The following ZMYM2 variants were observed in gnomAD, a reference collection of about 807,000 sequenced individuals.
The protein encoded by ZMYM2 is zinc finger MYM-type protein 2.
ZMYM2 carries 56 observed loss-of-function variants against 162.8 expected under a neutral mutation model. That is an observed-to-expected ratio of 0.34 (90% CI 0.28 to 0.43). The LOEUF is 0.43. ZMYM2 is among the 20% of genes least tolerant of loss of function. The pLI is 1.00. For missense variants in ZMYM2, 1,275 were observed against 1,621.8 expected (o/e 0.79, Z 3.67); for synonymous variants, 510 against 541.6 (o/e 0.94, Z 0.81).
rs1384782088 is a variant in ZMYM2, at chr13:20,036,912, G to A, written c.2292+3G>A. On this transcript the variant is annotated splice_donor_region_variant and intron_variant, in intron 12 of 24. Transcript: ENST00000610343. ...AATTTCAGGATTGGTACTACAAGGC[G>A]AGTAACTCCTTTATTACAGCAGCTA... The A allele has an allele frequency of 1.9e-6, 3 of 1,601,822 alleles. No homozygotes were observed. The highest frequency in any genetic ancestry group is 8.5e-7 in the Non-Finnish European group (1 of 1,175,026).
At chr13:20,079,881 T>C (rs1957798634) in intron 21 of ZMYM2, among the ~76,000 whole-genome samples, 1 of 152,204 alleles carries the variant, frequency 6.6e-6, no homozygotes, top group African/African-American at 2.4e-5. Context: ...TTCAGAATCA[T>C]TTCCCTCATT....
At chr13:19,920,230 G>T in the ZMYM2 span, among the ~76,000 whole-genome samples, 2 of 152,152 alleles carry the variant, frequency 1.3e-5, no homozygotes, top group African/African-American at 2.4e-5. Context: ...TAAAGGGCCA[G>T]ATAGTAAATA....
intron 2 of ZMYM2, among the ~76,000 whole-genome samples, chr13:19,973,370 T>C (rs1260418744): frequency 6.6e-6 from 1 of 151,992 alleles, no homozygotes; most frequent in Non-Finnish European, 1.5e-5. Context: ...AAGGAAACTA[T>C]AAAACAGTAC....
intron 2 of ZMYM2, among the ~76,000 whole-genome samples, chr13:19,972,383 T>C (rs1956405109): frequency 6.6e-6 from 1 of 152,202 alleles, no homozygotes; most frequent in Non-Finnish European, 1.5e-5. Context: ...CACTTTAGTA[T>C]GTATTACATT....
chr13:19,881,120 C>T, the ZMYM2 span, among the ~76,000 whole-genome samples: 1 of 151,910 alleles, frequency 6.6e-6, no homozygotes, highest in African/African-American at 2.4e-5. Flanking sequence ...AACTCCTGAC[C>T]TCGTGATCTG....
At chr13:19,987,839 C>T (rs1357086634) in intron 2 of ZMYM2, among the ~76,000 whole-genome samples, 1 of 151,886 alleles carries the variant, frequency 6.6e-6, no homozygotes, top group African/African-American at 2.4e-5. Context: ...TGGGCTTGAA[C>T]TCCAGAGCTC....
At chr13:19,948,693 A>C in the ZMYM2 span, among the ~76,000 whole-genome samples, 1 of 152,198 alleles carries the variant, frequency 6.6e-6, no homozygotes, top group Non-Finnish European at 1.5e-5. Context: ...TTGAGTAATA[A>C]TAATGTGTTC....
the ZMYM2 span, among the ~76,000 whole-genome samples, chr13:19,869,106 C>A: frequency 6.6e-6 from 1 of 152,170 alleles, no homozygotes; most frequent in African/African-American, 2.4e-5. Context: ...AATAAAAATA[C>A]ATACAAATAC....
At chr13:19,888,937 T>C in the ZMYM2 span, among the ~76,000 whole-genome samples, 1 of 152,018 alleles carries the variant, frequency 6.6e-6, no homozygotes, top group African/African-American at 2.4e-5. Flanking sequence ...CTCAAACTTT[T>C]AAGAAGGAAG....
chr13:19,905,321 T>C, the ZMYM2 span, among the ~76,000 whole-genome samples: 1 of 152,124 alleles, frequency 6.6e-6, no homozygotes, highest in African/African-American at 2.4e-5. Flanking sequence ...CCTATTTTTT[T>C]CTATTTCTGA....
chr13:20,082,875 C>T lies in ZMYM2; in HGVS notation c.3663C>T (p.Tyr1221=), dbSNP rs1957998707. The T allele has an allele frequency of 6.2e-7, 1 of 1,613,782 alleles. No homozygotes were observed. The change falls in exon 23 of 25, where the codon TAC becomes TAT. Residue 1221 remains tyrosine, a synonymous_variant. Coordinates refer to ENST00000610343, the MANE Select transcript of ZMYM2 (RefSeq NM_197968.4). ...TAGCTCTTCTGAATACACTGTTCTA[C>T]TTTAACACTAAGTATTTTGGCCTGA... ...SPVALLNTLF[Y]FNTKYFGLKT...
At chr13:20,000,814 A>C (rs1371588575) in intron 3 of ZMYM2, among the ~76,000 whole-genome samples, 1 of 152,138 alleles carries the variant, frequency 6.6e-6, no homozygotes, top group Non-Finnish European at 1.5e-5. Flanking sequence ...TTTAAGTCTT[A>C]CTATTTAAGA....
At chr13:20,056,162 A>C (rs575477153) in intron 14 of ZMYM2, among the ~76,000 whole-genome samples, 1 of 152,294 alleles carries the variant, frequency 6.6e-6, no homozygotes, top group South Asian at 2.1e-4. Context: ...TTTAAATGCA[A>C]ACTCTTGATA....
chr13:20,046,971 A>G (rs1431700748), intron 12 of ZMYM2, among the ~76,000 whole-genome samples: 1 of 152,172 alleles, frequency 6.6e-6, no homozygotes, highest in East Asian at 1.9e-4. Context: ...AGTATTCTGT[A>G]CCTTAAATAC....
At chr13:20,002,671 A>G (rs924986888) in intron 3 of ZMYM2, among the ~76,000 whole-genome samples, 179 bp from the exon 4 acceptor site, 1 of 152,238 alleles carries the variant, frequency 6.6e-6, no homozygotes, top group South Asian at 2.1e-4. Context: ...AATGTAGTGC[A>G]TTGTTACCGT....
chr13:19,986,584 AT>A (rs201020317), intron 2 of ZMYM2, among the ~76,000 whole-genome samples: 2,079 of 152,298 alleles, frequency 0.014, 38 homozygotes, highest in African/African-American at 0.046. Context: ...TGAAAAAAAA[AT>A]TTTTAACATT....
At chr13:19,898,434 T>C in the ZMYM2 span, among the ~76,000 whole-genome samples, 4 of 152,002 alleles carry the variant, frequency 2.6e-5, no homozygotes, top group East Asian at 3.9e-4. Flanking sequence ...GGGGTTTCAC[T>C]GTGTTAGCCA....
chr13:19,926,859 G>A, the ZMYM2 span, among the ~76,000 whole-genome samples: 1 of 151,992 alleles, frequency 6.6e-6, no homozygotes. Flanking sequence ...GTAGAGACAG[G>A]GTTTCACCAT....
the ZMYM2 span, among the ~76,000 whole-genome samples, chr13:19,884,478 C>T: frequency 0.11 from 16,976 of 151,810 alleles, 1,250 homozygotes; most frequent in African/African-American, 0.21. Context: ...CTCGGGAGGC[C>T]GAGGCAGGAA....
Sources: allele counts gnomAD v4.1 joint callset (sites outside exome capture counted in the v4.1 genomes callset), GRCh38; gene constraint gnomAD v4.1.1; transcripts MANE v1.5; gene names NCBI Gene and HGNC (gene_info 2026-07-23, HGNC 2026-07-21).